CLASP2: variants seen among roughly 807,000 people sequenced by gnomAD.
CLASP2 encodes the protein cytoplasmic linker associated protein 2, also known as CLIP-associating protein 2.
Under a neutral mutation model 194.4 loss-of-function variants are expected in CLASP2, and 47 were observed. The ratio of observed to expected loss-of-function variants is 0.24; its 90% CI spans 0.19 to 0.31. CLASP2 has a LOEUF of 0.31. Ranked by LOEUF, CLASP2 falls within the 10% of genes least tolerant of loss-of-function variation. The probability of loss-of-function intolerance (pLI) is 1.00; values close to 1 mark genes in which losing one functional copy is unlikely to be tolerated. For missense variants in CLASP2, 1,445 were observed against 1,823.6 expected, an observed-to-expected ratio of 0.79 and a Z score of 3.78; for synonymous variants, 619 against 633.5, an observed-to-expected ratio of 0.98 and a Z score of 0.34.
chr3:33,605,748 A>G (rs2073677488), intron 16 of CLASP2, among the ~76,000 whole-genome samples: 1 of 152,128 alleles, frequency 6.6e-6, no homozygotes, highest in Non-Finnish European at 1.5e-5. Flanking sequence ...CCTCCCAAGT[A>G]GCTGGGATTA....
intron 1 of CLASP2, among the ~76,000 whole-genome samples, chr3:33,697,883 A>C (rs2092066420): frequency 6.6e-6 from 1 of 152,210 alleles, no homozygotes; most frequent in Non-Finnish European, 1.5e-5. Context: ...CCATGATGTA[A>C]GTGGGTAAGA....
intron 1 of CLASP2, among the ~76,000 whole-genome samples, chr3:33,700,061 A>G (rs182862385): frequency 8.4e-6 from 1 of 118,930 alleles, no homozygotes; most frequent in East Asian, 2.4e-4. Context: ...AGGGAAAAAA[A>G]TACATGACAG....
intron 2 of CLASP2, among the ~76,000 whole-genome samples, chr3:33,696,123 T>C (rs1246823970): frequency 6.6e-6 from 1 of 152,066 alleles, no homozygotes; most frequent in Non-Finnish European, 1.5e-5. Context: ...CAAAGAAATT[T>C]TGTTTGTTGC....
chr3:33,546,629 TTTC>T (rs1403399441), intron 30 of CLASP2, among the ~76,000 whole-genome samples: 1 of 152,216 alleles, frequency 6.6e-6, no homozygotes, highest in Non-Finnish European at 1.5e-5. Context: ...TATAAAATTA[TTTC>T]TTCATTTATC....
chr3:33,654,496 T>A (rs1358236641), intron 7 of CLASP2, among the ~76,000 whole-genome samples: 1 of 151,752 alleles, frequency 6.6e-6, no homozygotes, highest in Non-Finnish European at 1.5e-5. Context: ...AGACAGAGGA[T>A]CAACCCAGGA....
At chr3:33,528,125 C>T (rs141748929) in intron 34 of CLASP2, among the ~76,000 whole-genome samples, 82 of 152,240 alleles carry the variant, frequency 5.4e-4, no homozygotes, top group African/African-American at 1.4e-3. Context: ...CTAGATGCAA[C>T]GCTGGCTCAA....
intron 35 of CLASP2, 43 bp from the exon 36 acceptor site, chr3:33,516,194 G>C (rs1333646966): frequency 1.2e-5 from 19 of 1,538,742 alleles, no homozygotes; most frequent in Non-Finnish European, 1.5e-5. Flanking sequence ...TTGGGTTGTA[G>C]ATAATCTTTA....
At chr3:33,611,605 T>C (rs555332983) in intron 13 of CLASP2, among the ~76,000 whole-genome samples, 19 of 152,206 alleles carry the variant, frequency 1.2e-4, no homozygotes, top group Non-Finnish European at 2.6e-4. Context: ...TTAATCCTTA[T>C]GTTCTACGGG....
At chr3:33,533,916 T>C (rs1032844158) in intron 34 of CLASP2, among the ~76,000 whole-genome samples, 19 of 152,296 alleles carry the variant, frequency 1.2e-4, no homozygotes, top group African/African-American at 4.3e-4. Context: ...GTTTTCACTA[T>C]GTTGGTCAGG....
intron 2 of CLASP2, among the ~76,000 whole-genome samples, chr3:33,691,743 C>T (rs548461137): frequency 6.6e-6 from 1 of 152,302 alleles, no homozygotes; most frequent in Non-Finnish European, 1.5e-5. Context: ...ATGCACTAAC[C>T]ACTGAATTAT....
chr3:33,533,861 C>A (rs891150173), intron 34 of CLASP2, among the ~76,000 whole-genome samples: 1 of 152,080 alleles, frequency 6.6e-6, no homozygotes, highest in Non-Finnish European at 1.5e-5. Flanking sequence ...GGATGACAGG[C>A]GCGTGCCACC....
intron 16 of CLASP2, among the ~76,000 whole-genome samples, chr3:33,604,461 T>C (rs923547292): frequency 6.6e-6 from 1 of 151,936 alleles, no homozygotes; most frequent in African/African-American, 2.4e-5. Context: ...TGGGACTATA[T>C]GTGCCTGCCA....
intron 1 of CLASP2, among the ~76,000 whole-genome samples, chr3:33,711,268 C>T (rs1378736561): frequency 4.3e-5 from 6 of 140,828 alleles, no homozygotes; most frequent in Non-Finnish European, 9.2e-5. Context: ...TTTTTTGAGA[C>T]GAAATCTCAT....
intron 18 of CLASP2, 112 bp downstream of exon 18, chr3:33,602,840 T>C (rs773056473): frequency 1.0e-5 from 11 of 1,097,082 alleles, no homozygotes; most frequent in Non-Finnish European, 1.5e-5. Context: ...TTAAAACATA[T>C]GGACTATCCT....
At position 33,665,285 on chromosome 3, in the gene CLASP2, C is replaced by G. The variant is rs76492265; in HGVS notation, c.645-1770G>C. Among the ~76,000 whole-genome samples, 37 of 151,962 alleles carry G rather than the reference C, an allele frequency of 2.4e-4. 1 individual carries two copies. In the East Asian group the frequency reaches 7.2e-3, roughly 29 times the overall value. On this transcript the variant is annotated intron_variant, in intron 6 of 38. Transcript: ENST00000682230. ...AGGAATTAAGGTAAGGCAGATAATA[C>G]ATGGAGACAGGAATCTGGATGTAAG...
In CLASP2 at chr3:33,622,917, T is replaced by C. The variant is rs185968343; in HGVS notation, c.1036-637A>G. 9.2e-5 allele frequency among the ~76,000 whole-genome samples: 14 copies of C among 152,226 alleles called. No homozygotes were observed. In the East Asian group the frequency reaches 2.5e-3, roughly 27 times the overall value. ...TGCACCTCCCAGGTTTGAGTGGTTTTCGTGCCTCAGCCTTCCCAGTAGCTG... is the reference window on the plus strand; with the variant it reads ...TGCACCTCCCAGGTTTGAGTGGTTTCCGTGCCTCAGCCTTCCCAGTAGCTG... On this transcript the variant is annotated intron_variant, in intron 10 of 38. Transcript: ENST00000682230.
chr3:33,561,990 T>A (rs1440299657), intron 27 of CLASP2, among the ~76,000 whole-genome samples: 1 of 152,200 alleles, frequency 6.6e-6, no homozygotes, highest in East Asian at 1.9e-4. Flanking sequence ...AGTTTTGCTC[T>A]CAATGCATAT....
At chr3:33,503,109 T>C (rs943367346) in intron 37 of CLASP2, 2 of 152,204 alleles carry the variant, frequency 1.3e-5, no homozygotes, top group African/African-American at 4.8e-5. Flanking sequence ...TAAATAATGT[T>C]CAGTGTCCAA....
intron 12 of CLASP2, among the ~76,000 whole-genome samples, chr3:33,618,728 A>G (rs748723259): frequency 6.6e-6 from 1 of 152,236 alleles, no homozygotes; most frequent in Non-Finnish European, 1.5e-5. Flanking sequence ...TATGTGTAGC[A>G]AATACATTTG....
Sources: allele counts gnomAD v4.1 joint callset (sites outside exome capture counted in the v4.1 genomes callset), GRCh38; gene constraint gnomAD v4.1.1; transcripts MANE v1.5; gene names NCBI Gene and HGNC (gene_info 2026-07-23, HGNC 2026-07-21).